NFIC: variants seen among roughly 807,000 people sequenced by gnomAD.
NFIC encodes nuclear factor 1 C-type.
A neutral mutation model predicts 54.4 loss-of-function variants in NFIC; 12 were observed. The observed-to-expected ratio is 0.22, with a 90% CI of 0.14 to 0.36. The LOEUF (loss-of-function observed/expected upper bound fraction) is 0.36. Ranked by LOEUF, NFIC falls within the 10% of genes least tolerant of loss-of-function variation. The probability of loss-of-function intolerance (pLI) is 1.00; values close to 1 mark genes in which losing one functional copy is unlikely to be tolerated. For missense variants in NFIC, 575 were observed against 718.2 expected (o/e 0.80, Z 2.28); for synonymous variants, 322 against 319.2 (o/e 1.01, Z -0.09).
chr19:3,444,739 G>A (rs1448383081), intron 6 of NFIC, among the ~76,000 whole-genome samples: 3 of 152,192 alleles, frequency 2.0e-5, no homozygotes, highest in South Asian at 4.1e-4. Context: ...CTAAATGAGC[G>A]TCTGACAACC....
intron 2 of NFIC, among the ~76,000 whole-genome samples, chr19:3,405,133 C>T (rs2081626219): frequency 6.6e-6 from 1 of 152,234 alleles, no homozygotes. Context: ...AGGTTGGCTC[C>T]GGCCCAGGCG....
upstream of NFIC, among the ~76,000 whole-genome samples, chr19:3,362,587 C>G (rs546296298): frequency 1.3e-5 from 2 of 151,812 alleles, no homozygotes; most frequent in African/African-American, 4.8e-5. Context: ...CTGCTTGAGT[C>G]TGCACGATGT....
At chr19:3,425,251 T>C (rs1313361533) in intron 3 of NFIC, 74 bp downstream of exon 3, 2 of 1,488,380 alleles carry the variant, frequency 1.3e-6, no homozygotes, top group Non-Finnish European at 1.8e-6. Context: ...TGGGAATCAT[T>C]TGCTTGGCAC....
Position 3,459,725 on chromosome 19 carries a change from C to A in NFIC, c.1510-3027C>A, listed in dbSNP as rs1263034999. ...GGCTGGTCCACCACGGGGAGGGTCA[C>A]GCCCAGAGTCTGTCGGTTGCCAACA... On this transcript the variant is annotated intron_variant, in intron 10 of 10. Coordinates refer to ENST00000443272, the MANE Select transcript of NFIC (RefSeq NM_001245002.2). The surrounding 1 kb of genome is among the most constrained non-coding windows in gnomAD (Gnocchi z 4.2). Among the ~76,000 whole-genome samples, 1 of 152,202 alleles carries A rather than the reference C, an allele frequency of 6.6e-6. No individual in the cohort carries two copies. The highest frequency in any genetic ancestry group is 2.4e-5 in the African/African-American group (1 of 41,456).
rs370443043 is a variant in NFIC, at chr19:3,452,477, C to A, written c.1085-5C>A. On this transcript the variant is annotated splice_polypyrimidine_tract_variant and splice_region_variant and intron_variant, in intron 7 of 10. Transcript: ENST00000443272. This position sits in a 1 kb window ranked among gnomAD's most constrained non-coding sequence, Gnocchi z 5.3. Reference sequence around the variant, plus strand: ...AGTAACCCCCGCTTCCCACTGTCTCCGCAGGGATCGCCCGGAGCCCACACC... The same window carrying A: ...AGTAACCCCCGCTTCCCACTGTCTCAGCAGGGATCGCCCGGAGCCCACACC... 2 of 1,610,638 alleles carry A rather than the reference C, an allele frequency of 1.2e-6. No homozygotes were observed. Among genetic ancestry groups the A allele is most frequent in the African/African-American group, 2.7e-5 (2 of 74,848 alleles).
intron 2 of NFIC, among the ~76,000 whole-genome samples, chr19:3,388,237 G>A (rs1242415524): frequency 6.6e-6 from 1 of 152,170 alleles, no homozygotes; most frequent in Non-Finnish European, 1.5e-5. Flanking sequence ...GGAGAAACAT[G>A]GGAGGGGGAG....
rs1417673274 is a variant in NFIC, at chr19:3,467,604, C to G, written c.*4835C>G. 1 of 151,240 alleles carries G rather than the reference C, an allele frequency of 6.6e-6. No individual in the cohort carries two copies. The highest frequency in any genetic ancestry group is 1.5e-5 in the Non-Finnish European group (1 of 67,868). The allele number at this position is 151,240 out of a possible 1,614,324, so 9.4% of individuals were successfully genotyped here. A position where few individuals can be genotyped will look rare whatever the true frequency, so the allele number is the denominator to read the frequency against. Reference sequence around the variant, plus strand: ...TTGAGAGACAGCAGCATTCCAGGCACAGACAGACTTGGCTGCACCCCACTG... The same window carrying G: ...TTGAGAGACAGCAGCATTCCAGGCAGAGACAGACTTGGCTGCACCCCACTG... On this transcript the variant is annotated 3_prime_UTR_variant, in exon 11 of 11. Coordinates refer to ENST00000443272, the MANE Select transcript of NFIC (RefSeq NM_001245002.2).
At chr19:3,449,177 G>A (rs1212902075) in intron 7 of NFIC, 38 bp downstream of exon 7, 2 of 1,595,878 alleles carry the variant, frequency 1.3e-6, no homozygotes, top group East Asian at 2.3e-5. Flanking sequence ...GGGGCGGCGG[G>A]CCCTCCTATC....
rs539002553 is a variant in NFIC, at chr19:3,400,433, C to T, written c.562+18190C>T. ...CGGAGCTTGCAGTGAGCCGAGATCA[C>T]GCCACTGCACTCCAGCCTGGGTGAC... On this transcript the variant is annotated intron_variant, in intron 2 of 10. Transcript: ENST00000443272. Among the ~76,000 whole-genome samples the T allele has an allele frequency of 6.6e-5, 10 of 150,548 alleles. No individual in the cohort carries two copies. In the East Asian group the frequency reaches 2.0e-3, roughly 30 times the overall value.
rs569605325 is a variant in NFIC, at chr19:3,444,859, G to A, written c.959-4155G>A. Reference sequence around the variant, plus strand: ...CATGCTCATACATATATGCACGCACGTGCACAGGCGTGCACACATGTATGC... The same window carrying A: ...CATGCTCATACATATATGCACGCACATGCACAGGCGTGCACACATGTATGC... On this transcript the variant is annotated intron_variant, in intron 6 of 10. Transcript: ENST00000443272. Among the ~76,000 whole-genome samples the A allele has an allele frequency of 7.1e-4, 108 of 152,288 alleles. 1 individual carries two copies. The highest frequency in any genetic ancestry group is 2.4e-3 in the African/African-American group (99 of 41,550).
chr19:3,364,991 C>T (rs1356401370), upstream of NFIC, among the ~76,000 whole-genome samples: 3 of 152,156 alleles, frequency 2.0e-5, no homozygotes, highest in Non-Finnish European at 2.9e-5. Flanking sequence ...CAGACACACA[C>T]ATTTATGGAC....
intron 2 of NFIC, among the ~76,000 whole-genome samples, chr19:3,385,433 A>G (rs1022203605): frequency 6.6e-6 from 1 of 152,074 alleles, no homozygotes; most frequent in Non-Finnish European, 1.5e-5. Flanking sequence ...AACCACCCAC[A>G]AGGCATCGTG....
chr19:3,442,718 G>A (rs1442187700), intron 6 of NFIC, among the ~76,000 whole-genome samples: 1 of 151,820 alleles, frequency 6.6e-6, no homozygotes, highest in Admixed American at 6.6e-5. Flanking sequence ...CCAGGGTGGA[G>A]GCTAGTGCAA....
At position 3,447,541 on chromosome 19, in the gene NFIC, G is replaced by A. The variant is rs114002864; in HGVS notation, c.959-1473G>A. Reference sequence around the variant, plus strand: ...ACATTCTTCCAGCTGGGTGGCTGACGTTCCCTCGGAAAGCAGGGCTGAAGG... The same window carrying A: ...ACATTCTTCCAGCTGGGTGGCTGACATTCCCTCGGAAAGCAGGGCTGAAGG... On this transcript the variant is annotated intron_variant, in intron 6 of 10. Transcript: ENST00000443272. Among the ~76,000 whole-genome samples, 1,089 of 152,288 alleles carry A rather than the reference G, an allele frequency of 7.2e-3. 14 individuals are homozygous for A. Among genetic ancestry groups the A allele is most frequent in the African/African-American group, 0.025 (1,021 of 41,552 alleles).
rs57006287 is a variant in NFIC at position 3,429,136 on chromosome 19, TACACACACACACACACACAC to T, written c.634+3978_634+3997del. Among the ~76,000 whole-genome samples, 3 of 83,894 alleles carry T rather than the reference TACACACACACACACACACAC, an allele frequency of 3.6e-5. 1 individual carries two copies. The highest frequency in any genetic ancestry group is 1.5e-4 in the African/African-American group (3 of 20,274). The allele number at this position is 83,894 out of a possible 152,430, so 55.0% of individuals were successfully genotyped here. On this transcript the variant is annotated intron_variant, in intron 3 of 10. Transcript: ENST00000443272. ...CCTATCTCTACCCAAAAAAAAAATA[TACACACACACACACACACAC>T]ACACACACACACACACACTAGCCCC...
chr19:3,400,211 C>G (rs1039799162), intron 2 of NFIC, among the ~76,000 whole-genome samples: 1 of 152,132 alleles, frequency 6.6e-6, no homozygotes, highest in Admixed American at 6.6e-5. Context: ...CACGGTGGCT[C>G]ACACCTGTAA....
intron 6 of NFIC, among the ~76,000 whole-genome samples, chr19:3,437,073 C>G (rs16991894): frequency 0.045 from 6,864 of 152,052 alleles, 557 homozygotes; most frequent in African/African-American, 0.16. Flanking sequence ...GTCTTTATAA[C>G]ATTCCTGTCT....
At chr19:3,447,852 G>C (rs559959782) in intron 6 of NFIC, among the ~76,000 whole-genome samples, 2 of 152,350 alleles carry the variant, frequency 1.3e-5, no homozygotes, top group African/African-American at 4.8e-5. Context: ...GCCGATGTTT[G>C]GTGGGTGAGC....
At chr19:3,433,755 G>A (rs2082157179) in intron 4 of NFIC, among the ~76,000 whole-genome samples, 163 bp downstream of exon 4, 1 of 152,088 alleles carries the variant, frequency 6.6e-6, no homozygotes, top group African/African-American at 2.4e-5. Flanking sequence ...CCTTCCCAGA[G>A]CCCAAGGTCA....
Sources: gnomAD v4.1 joint callset for allele counts (sites outside exome capture counted in the v4.1 genomes callset) on GRCh38, gnomAD v4.1.1 for gene constraint, Gnocchi (gnomAD v3.1) non-coding constraint, MANE v1.5 for transcripts, NCBI Gene and HGNC (gene_info 2026-07-23, HGNC 2026-07-21) for gene names.